The following MGMT variants were observed in gnomAD, a reference collection of about 807,000 sequenced individuals.
MGMT encodes the protein O-6-methylguanine-DNA methyltransferase, also known as methylated-DNA--protein-cysteine methyltransferase.
Under a neutral mutation model 15.9 loss-of-function variants are expected in MGMT, and 14 were observed. The ratio of observed to expected loss-of-function variants is 0.88; its 90% CI spans 0.58 to 1.37. The LOEUF (loss-of-function observed/expected upper bound fraction) is 1.37, where lower values mean the gene tolerates loss of function less well. Among genes scored for constraint, MGMT ranks in the 40% most tolerant of loss-of-function variants. MGMT has a pLI of 0.00. For synonymous variants in MGMT, 130 were observed against 118.2 expected, an observed-to-expected ratio of 1.10 and a Z score of -0.65; for missense variants, 282 against 268.1, an observed-to-expected ratio of 1.05 and a Z score of -0.36.
intron 2 of MGMT, among the ~76,000 whole-genome samples, chr10:129,542,541 G>A (rs895277058): frequency 8.5e-5 from 13 of 152,120 alleles, no homozygotes; most frequent in African/African-American, 2.2e-4. Flanking sequence ...AAAAAAACGC[G>A]CTCTGTAGGA....
At chr10:129,570,714 T>G (rs1273849138) in intron 2 of MGMT, among the ~76,000 whole-genome samples, 5 of 152,254 alleles carry the variant, frequency 3.3e-5, no homozygotes. Context: ...AATTGACTAT[T>G]CATCGATTCT....
intron 3 of MGMT, among the ~76,000 whole-genome samples, chr10:129,738,506 A>G (rs1848592916): frequency 1.3e-5 from 2 of 152,098 alleles, no homozygotes; most frequent in Non-Finnish European, 2.9e-5. Context: ...TGCAGAAATC[A>G]CCCATCTTCT....
intron 3 of MGMT, among the ~76,000 whole-genome samples, chr10:129,753,643 T>G (rs747135736): frequency 6.6e-6 from 1 of 152,244 alleles, no homozygotes; most frequent in Non-Finnish European, 1.5e-5. Flanking sequence ...TTTTCAACAC[T>G]AAATTTTCTA....
intron 1 of MGMT, among the ~76,000 whole-genome samples, chr10:129,481,921 TTTA>T (rs1170038543): frequency 3.9e-5 from 6 of 152,186 alleles, no homozygotes; most frequent in African/African-American, 1.4e-4. Flanking sequence ...ATTTCTCCTG[TTTA>T]TTATTGCTTT....
intron 1 of MGMT, among the ~76,000 whole-genome samples, chr10:129,523,455 A>T (rs10764887): frequency 0.47 from 71,043 of 152,040 alleles, 17,119 homozygotes; most frequent in East Asian, 0.64. Context: ...GTATGATTCA[A>T]TCGGGCATGA....
intron 2 of MGMT, among the ~76,000 whole-genome samples, chr10:129,646,894 G>C (rs1422583474): frequency 1.3e-5 from 2 of 151,328 alleles, no homozygotes; most frequent in Non-Finnish European, 3.0e-5. Context: ...GTGGCAGGCT[G>C]TATGGTGAGT....
chr10:129,551,325 G>C (rs1444088541), intron 2 of MGMT, among the ~76,000 whole-genome samples: 1 of 152,156 alleles, frequency 6.6e-6, no homozygotes, highest in Non-Finnish European at 1.5e-5. Flanking sequence ...CTCCTTTATG[G>C]TGTGATTGGA....
At chr10:129,687,627 C>G (rs1303860432) in intron 2 of MGMT, among the ~76,000 whole-genome samples, 1 of 152,022 alleles carries the variant, frequency 6.6e-6, no homozygotes, top group Admixed American at 6.6e-5. Flanking sequence ...GCTTTGTTTC[C>G]CTTACTGTGC....
chr10:129,668,700 A>G (rs73388794), intron 2 of MGMT, among the ~76,000 whole-genome samples: 4,221 of 152,262 alleles, frequency 0.028, 199 homozygotes, highest in African/African-American at 0.096. Flanking sequence ...TCTTTTTACA[A>G]CTGTCTTGGT....
intron 2 of MGMT, among the ~76,000 whole-genome samples, chr10:129,643,022 T>G (rs370592822): frequency 2.8e-4 from 43 of 152,148 alleles, no homozygotes; most frequent in African/African-American, 1.0e-3. Flanking sequence ...GGCGAGCGAA[T>G]GTGTAGTGGT....
intron 2 of MGMT, among the ~76,000 whole-genome samples, chr10:129,668,088 T>G (rs1216033059): frequency 6.6e-6 from 1 of 152,186 alleles, no homozygotes; most frequent in Non-Finnish European, 1.5e-5. Flanking sequence ...AAGGTAGTTT[T>G]TAGTCAATCC....
At chr10:129,683,950 C>G (rs929862120) in intron 2 of MGMT, among the ~76,000 whole-genome samples, 5 of 152,182 alleles carry the variant, frequency 3.3e-5, no homozygotes, top group Non-Finnish European at 7.3e-5. Context: ...ACCTCCAGCC[C>G]CCATCATCAC....
chr10:129,494,990 A>G (rs1181406689), intron 1 of MGMT, among the ~76,000 whole-genome samples: 1 of 152,240 alleles, frequency 6.6e-6, no homozygotes, highest in Non-Finnish European at 1.5e-5. Context: ...AATAGGCTGA[A>G]GCGGAGAAGA....
At chr10:129,636,730 T>C (rs921898328) in intron 2 of MGMT, among the ~76,000 whole-genome samples, 3 of 152,220 alleles carry the variant, frequency 2.0e-5, no homozygotes, top group African/African-American at 7.2e-5. Context: ...ATTCTTTCTT[T>C]AATGAGGCCA....
intron 1 of MGMT, among the ~76,000 whole-genome samples, chr10:129,500,716 A>G (rs571181100): frequency 6.6e-6 from 1 of 151,970 alleles, no homozygotes; most frequent in Admixed American, 6.5e-5. Context: ...CACCTTCCTG[A>G]TTTTTGTATG....
intron 2 of MGMT, chr10:129,537,274 C>T (rs955611402): frequency 6.6e-6 from 1 of 152,152 alleles, no homozygotes; most frequent in Non-Finnish European, 1.5e-5. Flanking sequence ...TAATGGGCCC[C>T]TGTCCGAGAC....
chr10:129,628,147 G>T lies in MGMT; in HGVS notation c.126-79748G>T, dbSNP rs1847171319. Reference sequence around the variant, plus strand: ...CTAAAAGCAGCTTCAGATGCTTTGGGGTGTTTTCTACCGAAGATGCTTTTG... The same window carrying T: ...CTAAAAGCAGCTTCAGATGCTTTGGTGTGTTTTCTACCGAAGATGCTTTTG... On this transcript the variant is annotated intron_variant, in intron 2 of 4. Transcript: ENST00000651593. Among the ~76,000 whole-genome samples the T allele has an allele frequency of 1.3e-5, 2 of 152,082 alleles. 1 individual carries two copies. The highest frequency in any genetic ancestry group is 4.1e-4 in the South Asian group (2 of 4,826).
chr10:129,495,638 A>T (rs1464322354), intron 1 of MGMT, among the ~76,000 whole-genome samples: 1 of 152,240 alleles, frequency 6.6e-6, no homozygotes, highest in Non-Finnish European at 1.5e-5. Flanking sequence ...TTGTACAATC[A>T]TAACCTTACA....
intron 1 of MGMT, among the ~76,000 whole-genome samples, chr10:129,484,090 G>A (rs1589830531): frequency 6.6e-6 from 1 of 152,152 alleles, no homozygotes; most frequent in Admixed American, 6.5e-5. Context: ...TTTTCCAATT[G>A]TGGCATTGTG....
Sources: gnomAD v4.1 joint callset for allele counts (sites outside exome capture counted in the v4.1 genomes callset) on GRCh38, gnomAD v4.1.1 for gene constraint, MANE v1.5 for transcripts, NCBI Gene and HGNC (gene_info 2026-07-23, HGNC 2026-07-21) for gene names.